SEC31A: variants seen among roughly 807,000 people sequenced by gnomAD.
SEC31A encodes the protein protein transport protein Sec31A.
In SEC31A, 70 loss-of-function variants were observed where a neutral mutation model predicts 151.0. The ratio of observed to expected loss-of-function variants is 0.46; its 90% confidence interval spans 0.38 to 0.57. The LOEUF is 0.57. Ranked by LOEUF, SEC31A falls within the 20% of genes least tolerant of loss-of-function variation. The pLI is 0.00. For missense variants in SEC31A, 1,330 were observed against 1,471.2 expected (o/e 0.90, Z 1.57); for synonymous variants, 475 against 505.9 (o/e 0.94, Z 0.82).
chr4:82,880,386 T>A (rs1472115818), intron 3 of SEC31A, among the ~76,000 whole-genome samples: 2 of 151,874 alleles, frequency 1.3e-5, no homozygotes, highest in Non-Finnish European at 2.9e-5. Context: ...GGTCAAGAGT[T>A]CAAAACCAGC....
At position 82,864,525 on chromosome 4, in the gene SEC31A, T is replaced by TGCC; in HGVS notation, c.1270_1271insGGC (p.Gln423_Gln424insArg). 1.2e-6 allele frequency: 2 copies of TGCC among 1,614,044 alleles called. No individual in the cohort carries two copies. Among genetic ancestry groups the TGCC allele is most frequent in the Non-Finnish European group, 1.7e-6 (2 of 1,179,976 alleles). On this transcript the variant is annotated inframe_insertion, in exon 11 of 27. Transcript: ENST00000395310. ...AACCTGACTAATGAACACATGGTGC[T>TGCC]GCTGCTGCTGCTGCTCAGCTCCCTG... is the stretch of plus-strand genomic sequence containing the variant.
intron 21 of SEC31A, 89 bp downstream of exon 21, chr4:82,844,297 T>C: frequency 7.3e-7 from 1 of 1,375,082 alleles, no homozygotes; most frequent in South Asian, 1.3e-5. Flanking sequence ...TACTTATTGA[T>C]TTGACAATGA....
intron 16 of SEC31A, among the ~76,000 whole-genome samples, chr4:82,855,706 G>A (rs1275501676): frequency 2.6e-5 from 4 of 152,206 alleles, no homozygotes; most frequent in Middle Eastern, 3.4e-3. Context: ...ACCAAATACC[G>A]CATGTTCTCA....
At chr4:82,851,351 A>G in intron 19 of SEC31A, 80 bp downstream of exon 19, 1 of 1,124,864 alleles carries the variant, frequency 8.9e-7, no homozygotes, top group Middle Eastern at 2.1e-4. Context: ...CTACCTACTA[A>G]TATGTTTACA....
At chr4:82,843,647 T>C (rs956839482) in intron 21 of SEC31A, 1 of 144,262 alleles carries the variant, frequency 6.9e-6, no homozygotes, top group African/African-American at 2.5e-5. Context: ...AACACATTCA[T>C]TAAATTTTCC....
chr4:82,845,186 T>C, intron 20 of SEC31A: 4 of 1,483,934 alleles, frequency 2.7e-6, no homozygotes, highest in Non-Finnish European at 3.6e-6. Context: ...CAAAGAGGAA[T>C]AATGAAGGAT....
At chr4:82,852,296 G>A (rs960312815) in intron 18 of SEC31A, among the ~76,000 whole-genome samples, 9 of 152,174 alleles carry the variant, frequency 5.9e-5, no homozygotes, top group African/African-American at 2.2e-4. Context: ...CTTCATTGCA[G>A]TATGAAAATG....
chr4:82,866,969 GATA>G lies in SEC31A; in HGVS notation c.1045-12_1045-10del, dbSNP rs767665695. The G allele has an allele frequency of 9.3e-6, 15 of 1,604,610 alleles. No homozygotes were observed. The highest frequency in any genetic ancestry group is 1.2e-5 in the Non-Finnish European group (14 of 1,177,666). On this transcript the variant is annotated splice_polypyrimidine_tract_variant and intron_variant, in intron 9 of 26. Transcript: ENST00000395310. The stretch of plus-strand genomic sequence containing the variant: ...CCAAAAGATGATGAAAGCTAAAAAA[GATA>G]ATAATAACATAAGCATCCGACCATA...
intron 25 of SEC31A, among the ~76,000 whole-genome samples, chr4:82,823,637 G>A (rs1181140103): frequency 6.6e-6 from 1 of 152,170 alleles, no homozygotes; most frequent in Non-Finnish European, 1.5e-5. Context: ...CTGGCTTTGT[G>A]GAATGTTTGT....
intron 1 of SEC31A, among the ~76,000 whole-genome samples, chr4:82,884,383 A>G (rs962661362): frequency 1.3e-5 from 2 of 152,142 alleles, no homozygotes; most frequent in African/African-American, 4.8e-5. Context: ...TAGGATTTTG[A>G]TTAAAAATAA....
At chr4:82,838,453 C>T (rs1727938868) in intron 22 of SEC31A, among the ~76,000 whole-genome samples, 4 of 152,158 alleles carry the variant, frequency 2.6e-5, no homozygotes, top group Admixed American at 2.6e-4. Context: ...GTTACCATCT[C>T]CTACCTAGAA....
intron 4 of SEC31A, among the ~76,000 whole-genome samples, chr4:82,876,780 T>G (rs1016807920): frequency 6.6e-6 from 1 of 152,206 alleles, no homozygotes; most frequent in African/African-American, 2.4e-5. Flanking sequence ...CTTCATCCAC[T>G]ACTATTTACT....
intron 7 of SEC31A, chr4:82,871,304 ACATG>A: frequency 7.3e-7 from 1 of 1,365,336 alleles, no homozygotes; most frequent in South Asian, 1.5e-5. Context: ...TTGGGATTAT[ACATG>A]CATACACACA....
rs1454099868 is a variant in SEC31A at position 82,857,768 on chromosome 4, A to C, written c.1627-4T>G. The C allele has an allele frequency of 1.3e-6, 2 of 1,577,752 alleles. No homozygotes were observed. The highest frequency in any genetic ancestry group is 8.7e-7 in the Non-Finnish European group (1 of 1,152,282). On this transcript the variant is annotated splice_polypyrimidine_tract_variant and splice_region_variant and intron_variant, in intron 14 of 26. Transcript: ENST00000395310. Reference sequence around the variant, plus strand: ...CTTCTTTTTCCTCTTTAATGTGCTAAAGAGATGAAAAAAGCAACAATTTAG... The same window carrying C: ...CTTCTTTTTCCTCTTTAATGTGCTACAGAGATGAAAAAAGCAACAATTTAG...
intron 13 of SEC31A, among the ~76,000 whole-genome samples, chr4:82,862,143 C>T (rs1734314007): frequency 6.6e-6 from 1 of 150,994 alleles, no homozygotes; most frequent in Non-Finnish European, 1.5e-5. Flanking sequence ...GAACTCCTGA[C>T]CTCAGGTGAT....
intron 17 of SEC31A, 118 bp from the exon 18 acceptor site, chr4:82,853,833 A>G: frequency 1.5e-6 from 1 of 686,568 alleles, no homozygotes; most frequent in African/African-American, 1.9e-5. Context: ...AATGAATAGC[A>G]TAGAGAAACA....
upstream of SEC31A, among the ~76,000 whole-genome samples, chr4:82,896,045 A>G (rs1393476326): frequency 2.6e-5 from 4 of 152,158 alleles, no homozygotes; most frequent in African/African-American, 4.8e-5. Context: ...TATAATTGGG[A>G]AAAAAACTCA....
chr4:82,891,725 ATATT>A (rs1485893604), upstream of SEC31A, among the ~76,000 whole-genome samples: 2 of 18,284 alleles, frequency 1.1e-4, no homozygotes, highest in Non-Finnish European at 6.9e-3. Context: ...ATGGGGTGTT[ATATT>A]AATTCCAATT....
At position 82,856,194 on chromosome 4, in the gene SEC31A, G is replaced by A. The variant is rs371591827; in HGVS notation, c.1881+758C>T. ...GAGACAGAGTCTTGCACTGTTGCCC[G>A]GGCTGGAGTGCAATGGCGTGATCTC... On this transcript the variant is annotated intron_variant, in intron 16 of 26. Transcript: ENST00000395310. Among the ~76,000 whole-genome samples the A allele has an allele frequency of 6.3e-3, 956 of 151,864 alleles. 7 individuals are homozygous for A. Among genetic ancestry groups the A allele is most frequent in the Middle Eastern group, 0.014 (4 of 294 alleles).
Sources: allele counts gnomAD v4.1 joint callset (sites outside exome capture counted in the v4.1 genomes callset), GRCh38; gene constraint gnomAD v4.1.1; transcripts MANE v1.5; gene names NCBI Gene and HGNC (gene_info 2026-07-23, HGNC 2026-07-21).